Variants in PDE4D observed in about 807,000 individuals in gnomAD.
PDE4D encodes 3',5'-cyclic-AMP phosphodiesterase 4D.
Under a neutral mutation model 87.4 loss-of-function variants are expected in PDE4D, and 24 were observed. The ratio of observed to expected loss-of-function variants is 0.27; its 90% CI spans 0.20 to 0.39. PDE4D has a LOEUF of 0.39. PDE4D is among the 10% of genes least tolerant of loss of function. PDE4D has a pLI of 1.00. For synonymous variants in PDE4D, 384 were observed against 383.2 expected (o/e 1.00, Z -0.02); for missense variants, 714 against 1,041.0 (o/e 0.69, Z 4.32).
intron 1 of PDE4D, among the ~76,000 whole-genome samples, chr5:59,691,337 T>C (rs535560289): frequency 6.6e-4 from 101 of 152,084 alleles, no homozygotes; most frequent in African/African-American, 2.4e-3. Flanking sequence ...CCATCAATGA[T>C]AGACTGGATT....
chr5:59,170,922 C>T (rs186991953), intron 5 of PDE4D, among the ~76,000 whole-genome samples: 22 of 148,726 alleles, frequency 1.5e-4, no homozygotes, highest in Admixed American at 1.1e-3. Flanking sequence ...TCTCTTGTTG[C>T]CCAGGCTAGA....
intron 2 of PDE4D, among the ~76,000 whole-genome samples, chr5:59,990,517 G>T (rs1303719334): frequency 1.4e-5 from 2 of 140,908 alleles, no homozygotes; most frequent in Non-Finnish European, 3.1e-5. Context: ...CGACAGAAGG[G>T]TACTGAGAAG....
At chr5:60,352,650 G>T (rs1200715142) in intron 1 of PDE4D, among the ~76,000 whole-genome samples, 2 of 152,192 alleles carry the variant, frequency 1.3e-5, no homozygotes, top group East Asian at 3.9e-4. Flanking sequence ...ATTTCCTGTG[G>T]AGATTCTGCA....
intron 2 of PDE4D, among the ~76,000 whole-genome samples, chr5:60,009,627 A>G (rs1273405921): frequency 6.6e-6 from 1 of 152,124 alleles, no homozygotes; most frequent in African/African-American, 2.4e-5. Flanking sequence ...TTTAAAGTTT[A>G]TTGAGCATAC....
intron 1 of PDE4D, among the ~76,000 whole-genome samples, chr5:59,368,557 T>G (rs1187939811): frequency 6.6e-6 from 1 of 152,210 alleles, no homozygotes; most frequent in Admixed American, 6.5e-5. Flanking sequence ...AAATCTTTAT[T>G]CATGTAAATG....
chr5:59,563,693 G>T (rs1423512154), intron 1 of PDE4D, among the ~76,000 whole-genome samples: 1 of 152,218 alleles, frequency 6.6e-6, no homozygotes, highest in East Asian at 1.9e-4. Flanking sequence ...AGCAAGTACA[G>T]AGGAGAGCCA....
At chr5:60,387,454 A>G (rs193284543) in intron 1 of PDE4D, among the ~76,000 whole-genome samples, 13 of 152,270 alleles carry the variant, frequency 8.5e-5, no homozygotes, top group Middle Eastern at 3.4e-3. Context: ...ACTGATACCA[A>G]TCTTTGCGTG....
chr5:59,677,862 T>C (rs1168715144), intron 1 of PDE4D, among the ~76,000 whole-genome samples: 5 of 152,174 alleles, frequency 3.3e-5, no homozygotes, highest in Admixed American at 2.6e-4. Flanking sequence ...CTAGTCTACA[T>C]TGTTCCCACT....
chr5:60,193,498 G>A (rs993156489), intron 1 of PDE4D, among the ~76,000 whole-genome samples: 4 of 151,364 alleles, frequency 2.6e-5, no homozygotes, highest in East Asian at 3.9e-4. Context: ...ATGAAACCCC[G>A]TCTCTACTAA....
chr5:59,626,427 G>A (rs1199786493), intron 1 of PDE4D, among the ~76,000 whole-genome samples: 1 of 152,152 alleles, frequency 6.6e-6, no homozygotes, highest in African/African-American at 2.4e-5. Context: ...TAAAAAATAT[G>A]TTGAACCATG....
chr5:59,319,656 T>C (rs1774371284), intron 1 of PDE4D, among the ~76,000 whole-genome samples: 1 of 152,162 alleles, frequency 6.6e-6, no homozygotes, highest in South Asian at 2.1e-4. Context: ...GTTACTAATA[T>C]ATCTGAGGTG....
rs555851562 is a variant in PDE4D, at chr5:59,615,810, T to C, written c.455+277358A>G. ...ACTCCTGACTAGCTAGTTAGCTAAA[T>C]AGAAATGAGGGTTAGACCAAAAGAG... On this transcript the variant is annotated intron_variant, in intron 1 of 14. Coordinates refer to ENST00000340635, the MANE Select transcript of PDE4D (RefSeq NM_001104631.2). 3.3e-5 allele frequency among the ~76,000 whole-genome samples: 5 copies of C among 152,304 alleles called. No individual in the cohort carries two copies. In the East Asian group the frequency reaches 5.8e-4, roughly 18 times the overall value.
upstream of PDE4D, among the ~76,000 whole-genome samples, chr5:60,492,099 T>C (rs1165823231): frequency 1.3e-5 from 2 of 150,320 alleles, no homozygotes; most frequent in East Asian, 1.9e-4. Flanking sequence ...AATGTGCACA[T>C]GTACCCTAAA....
At position 60,313,483 on chromosome 5, in the gene PDE4D, C is replaced by G. The variant is rs151222719; in HGVS notation, c.-89-127796G>C. ...AAAAGCCCAGGACTAGAAAGATTCA[C>G]AGGCATATTCTACCAGACATACAAA... On this transcript the variant is annotated intron_variant, in intron 1 of 16. Transcript: ENST00000502484. Among the ~76,000 whole-genome samples, 947 of 152,256 alleles carry G rather than the reference C, an allele frequency of 6.2e-3. 9 individuals carry two copies. Among genetic ancestry groups the G allele is most frequent in the African/African-American group, 0.02 (846 of 41,546 alleles).
intron 1 of PDE4D, among the ~76,000 whole-genome samples, chr5:60,323,790 G>A (rs967895352): frequency 1.4e-5 from 2 of 143,238 alleles, no homozygotes; most frequent in Non-Finnish European, 2.9e-5. Flanking sequence ...TCTCTCTCCT[G>A]AGGTCTCTCT....
At chr5:60,011,899 G>T (rs1321945517) in intron 2 of PDE4D, among the ~76,000 whole-genome samples, 1 of 152,124 alleles carries the variant, frequency 6.6e-6, no homozygotes, top group African/African-American at 2.4e-5. Context: ...AAAGGAACCG[G>T]GTAGTGGAGA....
intron 2 of PDE4D, among the ~76,000 whole-genome samples, chr5:60,100,341 C>T (rs1776095026): frequency 6.6e-6 from 1 of 151,954 alleles, no homozygotes; most frequent in African/African-American, 2.4e-5. Flanking sequence ...GGGAGACAGA[C>T]ATCTCCGCTT....
chr5:60,300,055 G>A (rs1005222910), intron 1 of PDE4D, among the ~76,000 whole-genome samples: 30 of 152,034 alleles, frequency 2.0e-4, no homozygotes, highest in Admixed American at 4.6e-4. Context: ...AACTTTACCA[G>A]TATCTGTTGT....
intron 1 of PDE4D, among the ~76,000 whole-genome samples, chr5:59,688,491 G>A (rs1750307229): frequency 1.3e-5 from 2 of 152,038 alleles, no homozygotes; most frequent in Non-Finnish European, 2.9e-5. Flanking sequence ...ACGAAATGAA[G>A]GCAGAAATAA....
Sources: gnomAD v4.1 joint callset for allele counts (sites outside exome capture counted in the v4.1 genomes callset) on GRCh38, gnomAD v4.1.1 for gene constraint, MANE v1.5 for transcripts, NCBI Gene and HGNC (gene_info 2026-07-23, HGNC 2026-07-21) for gene names.